DGKB: variants seen among roughly 807,000 people sequenced by gnomAD.
DGKB encodes diacylglycerol kinase beta.
In DGKB, 67 loss-of-function variants were observed where a neutral mutation model predicts 114.3. The ratio of observed to expected loss-of-function variants is 0.59; its 90% CI spans 0.48 to 0.72. The LOEUF (loss-of-function observed/expected upper bound fraction) is 0.72, where lower values mean the gene tolerates loss of function less well. Among genes scored for constraint, DGKB ranks in the 30% least tolerant of loss-of-function variants. The pLI, the probability that DGKB is intolerant of heterozygous loss-of-function variation, is 0.00. For missense variants in DGKB, 907 were observed against 975.2 expected (o/e 0.93, Z 0.93); for synonymous variants, 398 against 323.1 (o/e 1.23, Z -2.49).
At chr7:14,382,833 A>T (rs1819704494) in intron 21 of DGKB, among the ~76,000 whole-genome samples, 1 of 152,136 alleles carries the variant, frequency 6.6e-6, no homozygotes, top group Admixed American at 6.5e-5. Flanking sequence ...CATGGTGGTG[A>T]CCCCCAGCCA....
intron 2 of DGKB, among the ~76,000 whole-genome samples, chr7:14,780,261 G>C (rs1468712902): frequency 1.4e-4 from 22 of 152,148 alleles, no homozygotes; most frequent in Admixed American, 1.4e-3. Flanking sequence ...TTCTCCAGCT[G>C]ACTCTTTTGT....
chr7:14,927,272 T>C (rs1474008880), intron 1 of DGKB, among the ~76,000 whole-genome samples: 1 of 152,054 alleles, frequency 6.6e-6, no homozygotes, highest in Non-Finnish European at 1.5e-5. Context: ...TTTCCTTAGT[T>C]TGAAGTTCCT....
intron 21 of DGKB, among the ~76,000 whole-genome samples, chr7:14,432,587 A>C (rs909268527): frequency 1.2e-4 from 18 of 152,174 alleles, no homozygotes; most frequent in Non-Finnish European, 2.5e-4. Context: ...CTCTGGCTTG[A>C]ATTGTATCCA....
At chr7:14,176,098 A>AT (rs1781702832) in intron 25 of DGKB, 1 of 152,498 alleles carries the variant, frequency 6.6e-6, no homozygotes. Context: ...ATTTCACCTT[A>AT]TTTTTTAATA....
chr7:14,735,509 C>A (rs1831578157), intron 5 of DGKB, among the ~76,000 whole-genome samples: 1 of 152,064 alleles, frequency 6.6e-6, no homozygotes. Flanking sequence ...GAGATTGATA[C>A]AACAGGTATT....
At chr7:14,863,048 T>G (rs1422503828) in intron 1 of DGKB, among the ~76,000 whole-genome samples, 2 of 152,022 alleles carry the variant, frequency 1.3e-5, no homozygotes, top group Non-Finnish European at 2.9e-5. Flanking sequence ...GTAAATTTGG[T>G]CATGGTGGAG....
chr7:14,850,782 C>T (rs2358071), intron 1 of DGKB, among the ~76,000 whole-genome samples: 1 of 151,902 alleles, frequency 6.6e-6, no homozygotes, highest in Non-Finnish European at 1.5e-5. Flanking sequence ...CTTAGAGCTA[C>T]AACAATCAGC....
chr7:14,799,311 T>A (rs1286678035), intron 2 of DGKB, among the ~76,000 whole-genome samples: 1 of 152,212 alleles, frequency 6.6e-6, no homozygotes, highest in African/African-American at 2.4e-5. Flanking sequence ...CAGGGATAGA[T>A]AAATTCCCCA....
At chr7:14,296,760 GTTT>G (rs56367420) in intron 23 of DGKB, among the ~76,000 whole-genome samples, 18,135 of 100,928 alleles carry the variant, frequency 0.18, 1,910 homozygotes, top group Non-Finnish European at 0.24. Flanking sequence ...TCCAGGGACT[GTTT>G]TTTTTTTTTT....
intron 2 of DGKB, among the ~76,000 whole-genome samples, chr7:14,811,200 A>G (rs921407872): frequency 6.6e-6 from 1 of 152,124 alleles, no homozygotes; most frequent in Non-Finnish European, 1.5e-5. Context: ...TAATCCCTGT[A>G]AAAAATTATC....
At chr7:14,425,494 T>C (rs1443954246) in intron 21 of DGKB, among the ~76,000 whole-genome samples, 1 of 152,026 alleles carries the variant, frequency 6.6e-6, no homozygotes, top group East Asian at 1.9e-4. Context: ...AATCCTGACA[T>C]AAAGGTCATA....
At chr7:14,922,842 C>T (rs906202106) in intron 1 of DGKB, among the ~76,000 whole-genome samples, 33 of 148,516 alleles carry the variant, frequency 2.2e-4, no homozygotes, top group Admixed American at 1.3e-3. Flanking sequence ...ACTTCACCAA[C>T]TCATCCTTTT....
At chr7:14,718,453 C>T (rs1403762027) in intron 6 of DGKB, 89 bp downstream of exon 6, 1 of 1,229,036 alleles carries the variant, frequency 8.1e-7, no homozygotes. Context: ...AATTATACAA[C>T]TATACTAATG....
intron 14 of DGKB, among the ~76,000 whole-genome samples, chr7:14,626,401 C>A (rs568441292): frequency 6.6e-6 from 1 of 152,232 alleles, no homozygotes. Context: ...CCTGCTACTA[C>A]TGCACAACTT....
intron 1 of DGKB, among the ~76,000 whole-genome samples, chr7:14,893,826 C>T (rs1302032011): frequency 6.6e-6 from 1 of 151,334 alleles, no homozygotes; most frequent in Non-Finnish European, 1.5e-5. Flanking sequence ...TTCTCCCCAT[C>T]TCCTATAGCA....
chr7:14,837,822 C>G (rs1383799452), intron 2 of DGKB, among the ~76,000 whole-genome samples: 1 of 152,140 alleles, frequency 6.6e-6, no homozygotes, highest in African/African-American at 2.4e-5. Flanking sequence ...ATTTATTACA[C>G]AAGAATAGGT....
In DGKB at chr7:14,947,795, C is replaced by T. The variant is rs569669030; in HGVS notation, c.-188+26901G>A. ...CATGTTATTCTTTCTCAGAGCAACA[C>T]GTTCCATAATTCCAACATATCCGTT... On this transcript the variant is annotated intron_variant, in intron 1 of 4. Coordinates refer to the DGKB transcript ENST00000437998. 6.6e-5 allele frequency among the ~76,000 whole-genome samples: 10 copies of T among 151,768 alleles called. No homozygotes were observed. The South Asian group carries it at 1.2e-3, about 19-fold the overall frequency.
At chr7:14,784,229 G>T (rs181036900) in intron 2 of DGKB, among the ~76,000 whole-genome samples, 3 of 151,778 alleles carry the variant, frequency 2.0e-5, no homozygotes, top group Admixed American at 6.6e-5. Context: ...TGCTCTGTGT[G>T]TTCTATCGTC....
In DGKB at chr7:14,939,621, C is replaced by CTTTTTT. The variant is rs60427374; in HGVS notation, c.-188+35069_-188+35074dup. ...AAACTGCTATCATGAAAATATAATACTTTTTTTTTTTTTTTTTTTTTTTTT... is the reference window on the plus strand; with the variant it reads ...AAACTGCTATCATGAAAATATAATACTTTTTTTTTTTTTTTTTTTTTTTTTTTTTTT... On this transcript the variant is annotated intron_variant, in intron 1 of 4. Coordinates refer to the DGKB transcript ENST00000437998. Among the ~76,000 whole-genome samples the CTTTTTT allele has an allele frequency of 3.6e-5, 3 of 84,146 alleles. 1 individual carries two copies. Among genetic ancestry groups the CTTTTTT allele is most frequent in the Non-Finnish European group, 6.7e-5 (3 of 44,968 alleles). The allele number at this position is 84,146 out of a possible 152,430, so 55.2% of individuals were successfully genotyped here. A position where few individuals can be genotyped will look rare whatever the true frequency, so the allele number is the denominator to read the frequency against.
Sources: allele counts gnomAD v4.1 joint callset (sites outside exome capture counted in the v4.1 genomes callset), GRCh38; gene constraint gnomAD v4.1.1; transcripts MANE v1.5; gene names NCBI Gene and HGNC (gene_info 2026-07-23, HGNC 2026-07-21).